The following NISCH variants were observed in gnomAD, a reference collection of about 807,000 sequenced individuals.
The protein encoded by NISCH is I-1 receptor candidate protein.
Under a neutral mutation model 138.4 loss-of-function variants are expected in NISCH, and 55 were observed. That is an observed-to-expected ratio of 0.40 (90% CI 0.32 to 0.50). The LOEUF (loss-of-function observed/expected upper bound fraction) is 0.50. NISCH is among the 20% of genes least tolerant of loss of function. The pLI, the probability that NISCH is intolerant of heterozygous loss-of-function variation, is 0.71. For missense variants in NISCH, 1,643 were observed against 2,005.5 expected (o/e 0.82, Z 3.45); for synonymous variants, 860 against 861.5 (o/e 1.00, Z 0.03).
chr3:52,488,635 CG>C, intron 16 of NISCH, 30 bp downstream of exon 16: 2 of 1,550,990 alleles, frequency 1.3e-6, no homozygotes, highest in South Asian at 1.2e-5. Context: ...TCAGGGGCCC[CG>C]GGGGCATGGG....
chr3:52,464,329 C>T lies in NISCH; in HGVS notation c.360+5485C>T, dbSNP rs534014759. ...ACAAGAATGGCTTAAATCTGAGAGG[C>T]GAAGATTGCAATGAGTGAGACCACA... is the stretch of plus-strand genomic sequence containing the variant. On this transcript the variant is annotated intron_variant, in intron 3 of 20. Transcript: ENST00000345716. Among the ~76,000 whole-genome samples the T allele has an allele frequency of 8.3e-4, 126 of 151,368 alleles. 1 individual carries two copies. Among genetic ancestry groups the T allele is most frequent in the African/African-American group, 2.9e-3 (120 of 41,294 alleles).
chr3:52,473,720 G>A lies in NISCH; in HGVS notation c.670-14G>A. 1.9e-6 allele frequency: 3 copies of A among 1,563,874 alleles called. No homozygotes were observed. Among genetic ancestry groups the A allele is most frequent in the Non-Finnish European group, 2.6e-6 (3 of 1,139,242 alleles). On this transcript the variant is annotated splice_polypyrimidine_tract_variant and intron_variant, in intron 6 of 20. Coordinates refer to ENST00000345716, the MANE Select transcript of NISCH (RefSeq NM_007184.4). ...AGGATTCTGTTTCTGAGATGCAGCT[G>A]TTCTTTGTTCCAGATAAGTCACTGT...
intron 3 of NISCH, among the ~76,000 whole-genome samples, chr3:52,462,822 G>A (rs575322317): frequency 6.6e-6 from 1 of 152,166 alleles, no homozygotes; most frequent in Non-Finnish European, 1.5e-5. Context: ...ATTTTTAGTA[G>A]AGACGGGGTT....
chr3:52,490,031 G>A, intron 17 of NISCH, 44 bp from the exon 18 acceptor site: 1 of 1,610,450 alleles, frequency 6.2e-7, no homozygotes, highest in Non-Finnish European at 8.5e-7. Flanking sequence ...GGTATGTGCA[G>A]GTTGCTAGGG....
In NISCH at chr3:52,479,671, G is replaced by T; in HGVS notation, c.1303-78G>T. ...TCCTGCCATGCTCACCAGTCCCCATGCTGATAGCCATCACCAGTCCCCATG... is the reference window on the plus strand; with the variant it reads ...TCCTGCCATGCTCACCAGTCCCCATTCTGATAGCCATCACCAGTCCCCATG... On this transcript the variant is annotated intron_variant, in intron 11 of 20. Coordinates refer to ENST00000345716, the MANE Select transcript of NISCH (RefSeq NM_007184.4). 2.9e-6 allele frequency: 3 copies of T among 1,028,526 alleles called. No homozygotes were observed. In the Admixed American group the frequency reaches 6.7e-5, roughly 23 times the overall value. The allele number at this position is 1,028,526 out of a possible 1,614,324, so 63.7% of individuals were successfully genotyped here. A position where few individuals can be genotyped will look rare whatever the true frequency, so the allele number is the denominator to read the frequency against.
At chr3:52,479,510 G>A (rs1707204461) in intron 11 of NISCH, among the ~76,000 whole-genome samples, 1 of 152,116 alleles carries the variant, frequency 6.6e-6, no homozygotes, top group Non-Finnish European at 1.5e-5. Flanking sequence ...CCCCTCCAAG[G>A]CATTCCCAGG....
intron 3 of NISCH, among the ~76,000 whole-genome samples, chr3:52,464,517 CTTTTTTTTTTTTTTTT>C (rs71084185): frequency 1.5e-4 from 11 of 75,808 alleles, no homozygotes; most frequent in African/African-American, 4.9e-4. Flanking sequence ...TGTGAGTTGT[CTTTTTTTTTTTTTTTT>C]TTTTTTTTTG....
chr3:52,490,711 G>T lies in NISCH; in HGVS notation c.3620G>T (p.Trp1207Leu), dbSNP rs758305886. The part of the protein sequence containing the change: ...RYFSEPLQDF[W>L]HQKNTDYNNS... The stretch of plus-strand genomic sequence containing the variant: ...CCCTTTCTCCATCACACAGATTTCT[G>T]GCATCAGAAAAACACCGACTACAAC... The change falls in exon 19 of 21, where the codon TGG (tryptophan) becomes TTG (leucine). Residue 1207 changes from tryptophan (W) to leucine (L), a missense_variant. By Grantham distance (61) the Trp-to-Leu change is moderately conservative (BLOSUM62 -2). Transcript: ENST00000345716. The T allele has an allele frequency of 6.2e-7, 1 of 1,614,140 alleles. No individual in the cohort carries two copies. Among genetic ancestry groups the T allele is most frequent in the Admixed American group, 1.7e-5 (1 of 60,014 alleles).
In NISCH at chr3:52,478,968, C is replaced by T. The variant is rs550175958; in HGVS notation, c.1302+391C>T. 2.6e-5 allele frequency among the ~76,000 whole-genome samples: 4 copies of T among 152,248 alleles called. No homozygotes were observed. In the East Asian group the frequency reaches 7.7e-4, roughly 29 times the overall value. ...ACCTGCCACGATGCTGACCAGACAC[C>T]CTTAACCAGGTTCACCCATCGCCTG... On this transcript the variant is annotated intron_variant, in intron 11 of 20. Transcript: ENST00000345716.
At chr3:52,480,009 G>A (rs1270112757) in intron 12 of NISCH, 147 bp downstream of exon 12, 8 of 954,358 alleles carry the variant, frequency 8.4e-6, no homozygotes, top group Non-Finnish European at 1.3e-5. Context: ...GCAAGTCGCG[G>A]CCTCTCTGTT....
chr3:52,480,141 GCTTCCT>G, intron 12 of NISCH, 37 bp from the exon 13 acceptor site: 1 of 1,611,270 alleles, frequency 6.2e-7, no homozygotes, highest in South Asian at 1.1e-5. Flanking sequence ...GGAGCTCTGT[GCTTCCT>G]CTTCTCTCCC....
chr3:52,460,539 C>G (rs912934769), intron 3 of NISCH, among the ~76,000 whole-genome samples: 4 of 151,870 alleles, frequency 2.6e-5, no homozygotes, highest in African/African-American at 9.7e-5. Context: ...GTAGCTGGAA[C>G]TACAGGTGCA....
Position 52,480,289 on chromosome 3 carries a change from A to C in NISCH, c.1522A>C (p.Asn508His). Reference sequence around the variant, plus strand: ...CTCCCTGCCCCAGCCCATCCTCTCTAACCAAGGTAATCGTGTATGTATCTT... The same window carrying C: ...CTCCCTGCCCCAGCCCATCCTCTCTCACCAAGGTAATCGTGTATGTATCTT... ...SASLPQPILS[N>H]QGIMFVQEEA... The change falls in exon 13 of 21, where the codon AAC becomes CAC. Residue 508 changes from asparagine (N) to histidine (H), a missense_variant. Physicochemically the swap from Asn to His is moderately conservative, Grantham distance 68. Transcript: ENST00000345716. The C allele has an allele frequency of 6.2e-7, 1 of 1,613,640 alleles. No homozygotes were observed. Among genetic ancestry groups the C allele is most frequent in the Non-Finnish European group, 8.5e-7 (1 of 1,179,974 alleles).
chr3:52,468,379 A>G (rs748791037), intron 3 of NISCH, among the ~76,000 whole-genome samples: 1 of 151,988 alleles, frequency 6.6e-6, no homozygotes, highest in Non-Finnish European at 1.5e-5. Flanking sequence ...ATTCTTGGGG[A>G]ATTGAGGTGG....
At chr3:52,484,806 G>A (rs1241124315) in intron 14 of NISCH, among the ~76,000 whole-genome samples, 169 bp downstream of exon 14, 1 of 151,904 alleles carries the variant, frequency 6.6e-6, no homozygotes, top group African/African-American at 2.4e-5. Context: ...CTCTGGTTGA[G>A]TGTCTTCCTG....
chr3:52,481,127 G>A, intron 13 of NISCH: 1 of 1,281,676 alleles, frequency 7.8e-7, no homozygotes, highest in South Asian at 2.7e-5. Flanking sequence ...CACTGGTGGG[G>A]ATTTTCTCTT....
chr3:52,490,372 G>A, intron 18 of NISCH, 141 bp downstream of exon 18: 1 of 956,312 alleles, frequency 1.0e-6, no homozygotes. Flanking sequence ...TTCCTTGTCT[G>A]AGGAAGGGAG....
Position 52,492,411 on chromosome 3 carries a change from C to T in NISCH, c.4444C>T (p.Leu1482Phe). 6.2e-7 allele frequency: 1 copy of T among 1,612,910 alleles called. No individual in the cohort carries two copies. The highest frequency in any genetic ancestry group is 1.1e-5 in the South Asian group (1 of 91,088). The change falls in exon 21 of 21, where the codon CTC becomes TTC. Residue 1482 changes from leucine to phenylalanine, a missense_variant. Leu to Phe is a conservative substitution (Grantham distance 22). Transcript: ENST00000345716. ...CCCCAGTGCTGAGAGCAGAGAGAAG[C>T]TCATCTCGCTGTTGGCTCGCCAGTG... is the stretch of plus-strand genomic sequence containing the variant. ...FVPSAESREK[L>F]ISLLARQWEA... is the part of the protein sequence containing the mutation.
In NISCH at chr3:52,480,660, A is replaced by G. The variant is rs771815041; in HGVS notation, c.1528+365A>G. 1.7e-4 allele frequency: 239 copies of G among 1,423,580 alleles called. 1 individual carries two copies. The highest frequency in any genetic ancestry group is 1.9e-4 in the Non-Finnish European group (213 of 1,094,046). The allele number at this position is 1,423,580 out of a possible 1,614,324, so 88.2% of individuals were successfully genotyped here. A position where few individuals can be genotyped will look rare whatever the true frequency, so the allele number is the denominator to read the frequency against. ...AGCAGGTTGGCTCCTGGTTACAGGA[A>G]GCCGGGCTTGTGACTTTACTGTCTG... On this transcript the variant is annotated intron_variant, in intron 13 of 20. Transcript: ENST00000345716.
Sources: allele counts gnomAD v4.1 joint callset (sites outside exome capture counted in the v4.1 genomes callset), GRCh38; gene constraint gnomAD v4.1.1; transcripts MANE v1.5; gene names NCBI Gene and HGNC (gene_info 2026-07-23, HGNC 2026-07-21).